Variants in CAMK4 observed in about 807,000 individuals in gnomAD.
CAMK4 encodes the protein calcium/calmodulin-dependent protein kinase type IV.
CAMK4 carries 22 observed loss-of-function variants against 44.9 expected under a neutral mutation model. The observed-to-expected ratio is 0.49, with a 90% CI of 0.35 to 0.70. CAMK4 has a LOEUF of 0.70. Among genes scored for constraint, CAMK4 ranks in the 30% least tolerant of loss-of-function variants. CAMK4 has a pLI of 0.01. For missense variants in CAMK4, 498 were observed against 586.8 expected, an observed-to-expected ratio of 0.85 and a Z score of 1.56; for synonymous variants, 218 against 215.4, an observed-to-expected ratio of 1.01 and a Z score of -0.11.
chr5:111,443,016 A>C (rs1376640391), intron 5 of CAMK4, among the ~76,000 whole-genome samples: 1 of 149,516 alleles, frequency 6.7e-6, no homozygotes, highest in African/African-American at 2.4e-5. Context: ...GAGACCAAAA[A>C]GTTTGAGAAC....
At chr5:111,348,885 T>C (rs747933973) in intron 2 of CAMK4, among the ~76,000 whole-genome samples, 2 of 152,046 alleles carry the variant, frequency 1.3e-5, no homozygotes, top group Non-Finnish European at 2.9e-5. Context: ...CTAAATGTTA[T>C]GACAAACATC....
intron 5 of CAMK4, among the ~76,000 whole-genome samples, chr5:111,416,244 A>G (rs1341750965): frequency 1.3e-5 from 2 of 152,148 alleles, no homozygotes; most frequent in Non-Finnish European, 2.9e-5. Flanking sequence ...TCCCATATAC[A>G]TGCACATATA....
At chr5:111,442,692 T>A (rs1753871060) in intron 5 of CAMK4, among the ~76,000 whole-genome samples, 1 of 149,370 alleles carries the variant, frequency 6.7e-6, no homozygotes, top group Non-Finnish European at 1.5e-5. Context: ...AGACTAGCAC[T>A]CTACTAATTT....
chr5:111,459,824 T>A (rs998500381), intron 7 of CAMK4, among the ~76,000 whole-genome samples: 1 of 150,742 alleles, frequency 6.6e-6, no homozygotes, highest in Non-Finnish European at 1.5e-5. Flanking sequence ...TGCCTCAGCC[T>A]CCCAAGTAGC....
Position 111,368,524 on chromosome 5 carries a change from C to T in CAMK4, c.241-6326C>T, listed in dbSNP as rs565107874. Among the ~76,000 whole-genome samples, 10 of 152,232 alleles carry T rather than the reference C, an allele frequency of 6.6e-5. No individual in the cohort carries two copies. The East Asian group carries it at 1.9e-3, about 29-fold the overall frequency. On this transcript the variant is annotated intron_variant, in intron 2 of 10. Transcript: ENST00000282356. ...ATGATACCTTTAAAGAGAACTGCCCCTGAGAGTATGGCTATTTAAGAAGCT... is the reference window on the plus strand; with the variant it reads ...ATGATACCTTTAAAGAGAACTGCCCTTGAGAGTATGGCTATTTAAGAAGCT...
chr5:111,330,410 C>G (rs1749114589), intron 1 of CAMK4, among the ~76,000 whole-genome samples: 1 of 151,600 alleles, frequency 6.6e-6, no homozygotes, highest in Non-Finnish European at 1.5e-5. Flanking sequence ...TGTCAGTTCT[C>G]TCCAAATTGA....
chr5:111,405,486 A>C (rs141851763), intron 5 of CAMK4, among the ~76,000 whole-genome samples: 251 of 152,290 alleles, frequency 1.6e-3, no homozygotes, highest in African/African-American at 5.2e-3. Context: ...CAAAACAAAA[A>C]AAAAGACGAA....
At chr5:111,286,107 A>G (rs909166752) in intron 1 of CAMK4, among the ~76,000 whole-genome samples, 2 of 152,234 alleles carry the variant, frequency 1.3e-5, no homozygotes, top group Non-Finnish European at 2.9e-5. Context: ...AAATGGAGGT[A>G]TGTAAAATTC....
chr5:111,416,800 A>G (rs760373307), intron 5 of CAMK4, among the ~76,000 whole-genome samples: 9 of 152,230 alleles, frequency 5.9e-5, no homozygotes, highest in African/African-American at 2.4e-5. Context: ...TTAGGAAGAC[A>G]CTACTATTAA....
chr5:111,486,542 C>CACACACGT lies in CAMK4; in HGVS notation c.*2076_*2077insACACACGT, dbSNP rs139004418. On this transcript the variant is annotated 3_prime_UTR_variant, in exon 11 of 11. Transcript: ENST00000282356. ...ACACACACACACACACACACACACA[C>CACACACGT]GTGTTGGAAGAGCAAAGAGAGGGAA... 3.4e-5 allele frequency: 5 copies of CACACACGT among 147,242 alleles called. No individual in the cohort carries two copies. Among genetic ancestry groups the CACACACGT allele is most frequent in the Non-Finnish European group, 6.0e-5 (4 of 67,220 alleles). 9.1% of individuals were successfully genotyped at this position (147,242 alleles called of 1,614,324 possible).
At chr5:111,372,541 C>A (rs1751048981) in intron 2 of CAMK4, among the ~76,000 whole-genome samples, 1 of 152,132 alleles carries the variant, frequency 6.6e-6, no homozygotes, top group Non-Finnish European at 1.5e-5. Flanking sequence ...CAAACGTGCA[C>A]AGGGGAGAGA....
intron 1 of CAMK4, chr5:111,283,108 A>G (rs1751089363): frequency 6.6e-6 from 1 of 152,202 alleles, no homozygotes. Flanking sequence ...ACAACATCAT[A>G]AAGTCAAAAT....
intron 1 of CAMK4, among the ~76,000 whole-genome samples, chr5:111,232,543 G>A (rs765312153): frequency 6.6e-6 from 1 of 151,956 alleles, no homozygotes; most frequent in South Asian, 2.1e-4. Flanking sequence ...GGGTCAGCAG[G>A]GTAAGTTGAT....
chr5:111,242,524 C>G (rs1483434120), intron 1 of CAMK4, among the ~76,000 whole-genome samples: 1 of 152,062 alleles, frequency 6.6e-6, no homozygotes, highest in Non-Finnish European at 1.5e-5. Flanking sequence ...GTATTTAAAT[C>G]TTGTCTCTAA....
chr5:111,247,120 C>T (rs1223177484), intron 1 of CAMK4, among the ~76,000 whole-genome samples: 1 of 151,654 alleles, frequency 6.6e-6, no homozygotes, highest in Non-Finnish European at 1.5e-5. Context: ...ATATATTATG[C>T]CCAGCTCATA....
intron 5 of CAMK4, among the ~76,000 whole-genome samples, chr5:111,422,039 C>A (rs1378097568): frequency 6.6e-6 from 1 of 152,198 alleles, no homozygotes; most frequent in Admixed American, 6.5e-5. Flanking sequence ...CATTAAACAT[C>A]TTTTTCTTAT....
At chr5:111,451,205 C>T (rs551960001) in intron 7 of CAMK4, among the ~76,000 whole-genome samples, 70 of 151,680 alleles carry the variant, frequency 4.6e-4, no homozygotes, top group African/African-American at 1.7e-3. Flanking sequence ...ATCCAGGTAT[C>T]CAAGGGCCTA....
intron 5 of CAMK4, among the ~76,000 whole-genome samples, chr5:111,425,825 A>G (rs1020234810): frequency 2.0e-5 from 3 of 152,142 alleles, no homozygotes; most frequent in Non-Finnish European, 2.9e-5. Context: ...TTACATTTCT[A>G]CCTTAATACC....
intron 5 of CAMK4, among the ~76,000 whole-genome samples, chr5:111,413,499 C>T (rs1207149174): frequency 6.6e-6 from 1 of 151,772 alleles, no homozygotes; most frequent in Non-Finnish European, 1.5e-5. Context: ...ATCACTTGAA[C>T]CCAGGAGGTG....
Sources: gnomAD v4.1 joint callset for allele counts (sites outside exome capture counted in the v4.1 genomes callset) on GRCh38, gnomAD v4.1.1 for gene constraint, MANE v1.5 for transcripts, NCBI Gene and HGNC (gene_info 2026-07-23, HGNC 2026-07-21) for gene names.